Variants in MLIP observed in about 807,000 individuals in gnomAD.
MLIP encodes muscular LMNA-interacting protein.
A neutral mutation model predicts 84.8 loss-of-function variants in MLIP; 79 were observed. The observed-to-expected ratio is 0.93, with a 90% CI of 0.78 to 1.12. The LOEUF is 1.12. Among genes scored for constraint, MLIP ranks in the 50% most tolerant of loss-of-function variants. MLIP has a pLI of 0.00. For synonymous variants in MLIP, 504 were observed against 463.0 expected, an observed-to-expected ratio of 1.09 and a Z score of -1.14; for missense variants, 1,257 against 1,160.6, an observed-to-expected ratio of 1.08 and a Z score of -1.21.
chr6:54,030,639 C>T (rs1764075994), intron 1 of MLIP: 1 of 150,892 alleles, frequency 6.6e-6, no homozygotes, highest in African/African-American at 2.4e-5. Context: ...CATTTTTATT[C>T]CTTGCACGTA....
At chr6:54,156,256 AC>A (rs915076178) in intron 5 of MLIP, among the ~76,000 whole-genome samples, 2 of 152,092 alleles carry the variant, frequency 1.3e-5, no homozygotes, top group Non-Finnish European at 2.9e-5. Context: ...AAATTTCAAG[AC>A]TATTTAAGTT....
intron 11 of MLIP, among the ~76,000 whole-genome samples, chr6:54,211,960 C>T (rs1421194933): frequency 6.6e-6 from 1 of 152,066 alleles, no homozygotes; most frequent in Non-Finnish European, 1.5e-5. Flanking sequence ...TTAGGGAGAA[C>T]TAAGAACTTC....
intron 1 of MLIP, among the ~76,000 whole-genome samples, chr6:54,078,599 A>G (rs1372821727): frequency 6.6e-6 from 1 of 152,116 alleles, no homozygotes; most frequent in African/African-American, 2.4e-5. Flanking sequence ...AGAAAAAATC[A>G]TTGCCAGATT....
intron 4 of MLIP, among the ~76,000 whole-genome samples, chr6:54,144,827 T>A (rs1231559923): frequency 6.6e-6 from 1 of 152,204 alleles, no homozygotes; most frequent in African/African-American, 2.4e-5. Context: ...TACTAGAGCC[T>A]GTGGTGAAAT....
At chr6:54,252,798 T>TA (rs1200774176) in intron 12 of MLIP, among the ~76,000 whole-genome samples, 1 of 151,928 alleles carries the variant, frequency 6.6e-6, no homozygotes, top group Non-Finnish European at 1.5e-5. Flanking sequence ...TCTATGGACT[T>TA]AAACACTGAC....
At chr6:54,135,087 A>C (rs1317977488) in intron 3 of MLIP, among the ~76,000 whole-genome samples, 3 of 152,230 alleles carry the variant, frequency 2.0e-5, no homozygotes, top group Admixed American at 2.0e-4. Context: ...CAAATAAGAC[A>C]TTGTCATGCT....
intron 3 of MLIP, among the ~76,000 whole-genome samples, chr6:54,134,227 A>C (rs816379): frequency 0.45 from 68,265 of 151,906 alleles, 16,917 homozygotes; most frequent in African/African-American, 0.66. Flanking sequence ...GTGCCCATGT[A>C]TTCTTTCTGC....
At chr6:54,247,690 A>C (rs1379281115) in intron 12 of MLIP, among the ~76,000 whole-genome samples, 2 of 152,124 alleles carry the variant, frequency 1.3e-5, no homozygotes, top group African/African-American at 4.8e-5. Context: ...TCTGGCAGGC[A>C]CCATATAGAA....
intron 8 of MLIP, among the ~76,000 whole-genome samples, chr6:54,167,957 A>G (rs1253038733): frequency 6.6e-6 from 1 of 151,778 alleles, no homozygotes; most frequent in Non-Finnish European, 1.5e-5. Context: ...ACTCATCATT[A>G]TTTGCAAACA....
In MLIP at chr6:54,069,592, T is replaced by C. The variant is rs1168648742; in HGVS notation, c.63+50501T>C. 2.0e-5 allele frequency among the ~76,000 whole-genome samples: 2 copies of C among 99,504 alleles called. 1 individual carries two copies. Among genetic ancestry groups the C allele is most frequent in the Non-Finnish European group, 5.8e-5 (2 of 34,736 alleles). The allele number at this position is 99,504 out of a possible 152,430, so 65.3% of individuals were successfully genotyped here. ...CATTAAATCATCTCTAGATTACTTA[T>C]AATACCTAATACAATGTAAGTGTTA... On this transcript the variant is annotated intron_variant, in intron 1 of 12. Transcript: ENST00000274897.
intron 13 of MLIP, among the ~76,000 whole-genome samples, chr6:54,263,331 G>A (rs1361251529): frequency 6.6e-6 from 1 of 151,730 alleles, no homozygotes; most frequent in Non-Finnish European, 1.5e-5. Context: ...ATTACTGAAC[G>A]TTTTATAGCT....
intron 1 of MLIP, among the ~76,000 whole-genome samples, chr6:54,055,816 A>G (rs1765630024): frequency 6.6e-6 from 1 of 152,140 alleles, no homozygotes; most frequent in Admixed American, 6.5e-5. Context: ...AGAAGGTGAC[A>G]TTTCAGTAAA....
At chr6:54,129,523 A>G (rs1771205913) in intron 3 of MLIP, among the ~76,000 whole-genome samples, 1 of 152,216 alleles carries the variant, frequency 6.6e-6, no homozygotes. Context: ...AGAAAATGAT[A>G]ATAGAGTATG....
chr6:54,149,454 C>T (rs1464267525), intron 5 of MLIP, among the ~76,000 whole-genome samples: 2 of 152,046 alleles, frequency 1.3e-5, no homozygotes, highest in Non-Finnish European at 2.9e-5. Context: ...ATATCAAGAA[C>T]TTTCATATCT....
In MLIP at chr6:54,137,769, A is replaced by T. The variant is rs1273015011; in HGVS notation, c.1700A>T (p.Asp567Val). The change falls in exon 4 of 14, where the codon GAT (aspartate) becomes GTT (valine). Residue 567 changes from aspartate to valine, a missense_variant. Asp to Val is a radical substitution (Grantham distance 152). Coordinates refer to ENST00000502396, the MANE Select transcript of MLIP (RefSeq NM_001281747.2). ...CTTTCCTCTTTGAAGAGTAAACAGGATGGTGACCTCAGGGGTCCAGAAAAC... is the reference window on the plus strand; with the variant it reads ...CTTTCCTCTTTGAAGAGTAAACAGGTTGGTGACCTCAGGGGTCCAGAAAAC... Reference protein sequence around the residue: ...SSLSSLKSKQDGDLRGPENPR... With the variant: ...SSLSSLKSKQVGDLRGPENPR... The T allele has an allele frequency of 1.3e-6, 2 of 1,535,992 alleles. No individual in the cohort carries two copies. Among genetic ancestry groups the T allele is most frequent in the Admixed American group, 3.9e-5 (2 of 50,982 alleles).
At chr6:54,253,898 G>A (rs1469688352) in intron 12 of MLIP, among the ~76,000 whole-genome samples, 2 of 152,038 alleles carry the variant, frequency 1.3e-5, no homozygotes, top group African/African-American at 4.8e-5. Context: ...AGCGTGCTTT[G>A]TCTCAATTCT....
Position 54,026,544 on chromosome 6 carries a change from A to C in MLIP, c.63+7453A>C, listed in dbSNP as rs115690104. Among the ~76,000 whole-genome samples, 600 of 152,346 alleles carry C rather than the reference A, an allele frequency of 3.9e-3. 5 individuals carry two copies. Among genetic ancestry groups the C allele is most frequent in the African/African-American group, 0.014 (573 of 41,572 alleles). ...AAAGAGAGAGGAAAGGAAATATGCT[A>C]TGATAGTGGTGGACCATGAGGATCA... On this transcript the variant is annotated intron_variant, in intron 1 of 12. Coordinates refer to the MLIP transcript ENST00000274897.
In MLIP at chr6:54,149,102, C is replaced by T; in HGVS notation, c.2264C>T (p.Thr755Ile). The T allele has an allele frequency of 6.2e-7, 1 of 1,612,940 alleles. No individual in the cohort carries two copies. The highest frequency in any genetic ancestry group is 8.5e-7 in the Non-Finnish European group (1 of 1,179,216). The part of the protein sequence containing the change: ...SSYKAFAAIP[T>I]NTLLLEQKAL... The stretch of plus-strand genomic sequence containing the variant: ...TACAAGGCTTTTGCAGCAATCCCTA[C>T]AAACACATTGCTTTTGGAACAGAAG... Residue 755 changes from threonine to isoleucine, a missense_variant, in exon 5 of 14, where the codon ACA becomes ATA. Thr to Ile is a moderately conservative substitution (Grantham distance 89). Transcript: ENST00000502396.
intron 5 of MLIP, among the ~76,000 whole-genome samples, chr6:54,157,576 C>T (rs540685710): frequency 1.1e-4 from 16 of 152,110 alleles, no homozygotes; most frequent in African/African-American, 3.9e-4. Flanking sequence ...TTGTGGCATC[C>T]CCCTTCCCTG....
Sources: allele counts gnomAD v4.1 joint callset (sites outside exome capture counted in the v4.1 genomes callset), GRCh38; gene constraint gnomAD v4.1.1; transcripts MANE v1.5; gene names NCBI Gene and HGNC (gene_info 2026-07-23, HGNC 2026-07-21).